Variants in TXLNB observed in about 807,000 individuals in gnomAD.
TXLNB encodes the protein beta-taxilin.
A neutral mutation model predicts 57.4 loss-of-function variants in TXLNB; 37 were observed. The observed-to-expected ratio is 0.64, with a 90% confidence interval of 0.50 to 0.85. The LOEUF (loss-of-function observed/expected upper bound fraction) is 0.85, where lower values mean the gene tolerates loss of function less well. TXLNB is among the 40% of genes least tolerant of loss of function. The probability of loss-of-function intolerance (pLI) is 0.00; values close to 1 mark genes in which losing one functional copy is unlikely to be tolerated. For synonymous variants in TXLNB, 302 were observed against 309.6 expected, an observed-to-expected ratio of 0.98 and a Z score of 0.26; for missense variants, 848 against 825.6, an observed-to-expected ratio of 1.03 and a Z score of -0.33.
chr6:139,168,789 C>T, the TXLNB span, among the ~76,000 whole-genome samples: 16 of 152,180 alleles, frequency 1.1e-4, no homozygotes, highest in Non-Finnish European at 8.8e-5. Context: ...AGACTTTCAA[C>T]GTCTGAGAAT....
At chr6:139,304,417 C>A in the TXLNB span, among the ~76,000 whole-genome samples, 1 of 152,112 alleles carries the variant, frequency 6.6e-6, no homozygotes, top group African/African-American at 2.4e-5. Context: ...AGAAATGTAT[C>A]CTGCACAGAT....
the TXLNB span, among the ~76,000 whole-genome samples, chr6:139,215,684 C>G: frequency 1.3e-5 from 2 of 152,162 alleles, no homozygotes; most frequent in Non-Finnish European, 2.9e-5. Flanking sequence ...TCAGAGTGAA[C>G]AGGCAACCTA....
chr6:139,225,500 T>TA, the TXLNB span, among the ~76,000 whole-genome samples: 63 of 152,182 alleles, frequency 4.1e-4, no homozygotes, highest in Middle Eastern at 3.4e-3. Flanking sequence ...AGCCAATACA[T>TA]AAAAAAATTA....
chr6:139,181,463 C>T, the TXLNB span, among the ~76,000 whole-genome samples: 9 of 152,312 alleles, frequency 5.9e-5, no homozygotes, highest in African/African-American at 1.9e-4. Context: ...CTGTAGACGT[C>T]CCACGCCTAT....
intron 8 of TXLNB, among the ~76,000 whole-genome samples, chr6:139,246,869 G>A (rs7739279): frequency 1.3e-5 from 2 of 149,784 alleles, no homozygotes; most frequent in African/African-American, 4.9e-5. Flanking sequence ...AGCCAAGATC[G>A]CACCATTGCA....
chr6:139,217,010 A>G, the TXLNB span, among the ~76,000 whole-genome samples: 1 of 152,194 alleles, frequency 6.6e-6, no homozygotes, highest in Non-Finnish European at 1.5e-5. Context: ...CCCAAAAACT[A>G]TTGAAATAAA....
At chr6:139,220,678 C>T in the TXLNB span, among the ~76,000 whole-genome samples, 1 of 152,210 alleles carries the variant, frequency 6.6e-6, no homozygotes, top group South Asian at 2.1e-4. Context: ...GTTTTGGTCT[C>T]AGACAGATTC....
the TXLNB span, among the ~76,000 whole-genome samples, chr6:139,198,380 G>T: frequency 6.6e-6 from 1 of 152,008 alleles, no homozygotes; most frequent in Admixed American, 6.5e-5. Flanking sequence ...AAGAGTGAGA[G>T]GTCAGGAGCT....
chr6:139,167,008 CA>C, the TXLNB span: 3 of 1,614,188 alleles, frequency 1.9e-6, no homozygotes, highest in Non-Finnish European at 2.5e-6. Context: ...TGGCAGTTCA[CA>C]GGGGGGGACA....
At chr6:139,255,136 T>C (rs1278527755) in intron 7 of TXLNB, among the ~76,000 whole-genome samples, 1 of 152,184 alleles carries the variant, frequency 6.6e-6, no homozygotes, top group Non-Finnish European at 1.5e-5. Flanking sequence ...TTTCTTTTTA[T>C]GATAAATAAT....
At chr6:139,319,727 T>C in the TXLNB span, among the ~76,000 whole-genome samples, 1 of 152,030 alleles carries the variant, frequency 6.6e-6, no homozygotes, top group Non-Finnish European at 1.5e-5. Context: ...TTGTGCCATC[T>C]GCACTCCAGC....
At chr6:139,220,395 T>A in the TXLNB span, among the ~76,000 whole-genome samples, 1 of 152,242 alleles carries the variant, frequency 6.6e-6, no homozygotes, top group Non-Finnish European at 1.5e-5. Flanking sequence ...AAACCACAAG[T>A]CACTGGGATT....
At chr6:139,296,795 C>T (rs901335815), upstream of TXLNB, among the ~76,000 whole-genome samples, 8 of 152,018 alleles carry the variant, frequency 5.3e-5, no homozygotes, top group African/African-American at 1.7e-4. Context: ...ACCTGGTAGT[C>T]GCAGCTACTT....
At chr6:139,183,212 A>G in the TXLNB span, 42 of 152,300 alleles carry the variant, frequency 2.8e-4, no homozygotes, top group African/African-American at 9.9e-4. Flanking sequence ...GTTAATGACT[A>G]ACTAGGAATT....
In TXLNB at chr6:139,290,554, A is replaced by G. The variant is rs77032108; in HGVS notation, c.-15+1367T>C. The stretch of plus-strand genomic sequence containing the variant: ...AACTTAATGATTTTTAAGAAGTAGC[A>G]ATGTTTCATAAACAAGGAGGAGACC... On this transcript the variant is annotated intron_variant, in intron 1 of 9. Transcript: ENST00000358430. Among the ~76,000 whole-genome samples, 89 of 152,334 alleles carry G rather than the reference A, an allele frequency of 5.8e-4. No homozygotes were observed. In the East Asian group the frequency reaches 0.014, roughly 24 times the overall value.
chr6:139,195,912 A>G, the TXLNB span, among the ~76,000 whole-genome samples: 1 of 151,868 alleles, frequency 6.6e-6, no homozygotes, highest in Non-Finnish European at 1.5e-5. Flanking sequence ...TAAAGATGAC[A>G]TTTTTCCCAT....
intron 7 of TXLNB, chr6:139,251,649 C>T (rs907627203): frequency 6.6e-6 from 1 of 152,246 alleles, no homozygotes; most frequent in Non-Finnish European, 1.5e-5. Context: ...TAGAAACAAA[C>T]TCTTCTATGA....
the TXLNB span, among the ~76,000 whole-genome samples, chr6:139,225,610 C>T: frequency 1.3e-4 from 19 of 151,808 alleles, no homozygotes; most frequent in Admixed American, 1.2e-3. Context: ...TAGAATTAAA[C>T]CTAATGAAAA....
chr6:139,265,835 A>G (rs1776601632), intron 4 of TXLNB, among the ~76,000 whole-genome samples: 2 of 152,234 alleles, frequency 1.3e-5, no homozygotes, highest in Admixed American at 6.5e-5. Flanking sequence ...AAATTCTCAT[A>G]TAAAACATAC....
Sources: allele counts gnomAD v4.1 joint callset (sites outside exome capture counted in the v4.1 genomes callset), GRCh38; gene constraint gnomAD v4.1.1; transcripts MANE v1.5; gene names NCBI Gene and HGNC (gene_info 2026-07-23, HGNC 2026-07-21).